FBXL20: variants seen among roughly 807,000 people sequenced by gnomAD.
FBXL20 encodes F-box/LRR-repeat protein 20.
Under a neutral mutation model 64.0 loss-of-function variants are expected in FBXL20, and 11 were observed. That is an observed-to-expected ratio of 0.17 (90% confidence interval 0.11 to 0.28). The LOEUF (loss-of-function observed/expected upper bound fraction) is 0.28. FBXL20 is among the 10% of genes least tolerant of loss of function. The pLI is 1.00. For synonymous variants in FBXL20, 184 were observed against 189.0 expected (o/e 0.97, Z 0.22); for missense variants, 303 against 526.2 (o/e 0.58, Z 4.15).
At chr17:39,348,083 C>A (rs1047554922) in intron 1 of FBXL20, among the ~76,000 whole-genome samples, 1 of 123,114 alleles carries the variant, frequency 8.1e-6, no homozygotes, top group African/African-American at 4.6e-5. Context: ...AGGTTGGGTT[C>A]GTCTTTTTTT....
At chr17:39,289,032 G>T (rs1446309814) in intron 6 of FBXL20, among the ~76,000 whole-genome samples, 3 of 152,064 alleles carry the variant, frequency 2.0e-5, no homozygotes, top group Non-Finnish European at 4.4e-5. Flanking sequence ...TTTTAATGAG[G>T]TACAATTTAT....
At chr17:39,377,670 T>G (rs925580831) in intron 1 of FBXL20, among the ~76,000 whole-genome samples, 15 of 151,982 alleles carry the variant, frequency 9.9e-5, no homozygotes, top group African/African-American at 3.6e-4. Context: ...CCGGCTAATT[T>G]TTTTGTATTT....
intron 1 of FBXL20, among the ~76,000 whole-genome samples, chr17:39,384,002 G>A (rs2048052491): frequency 6.6e-6 from 1 of 152,018 alleles, no homozygotes; most frequent in Admixed American, 6.6e-5. Context: ...GGGAGGCCAA[G>A]GCAGGAGGAC....
intron 5 of FBXL20, among the ~76,000 whole-genome samples, chr17:39,298,516 C>T (rs1476360181): frequency 2.0e-5 from 3 of 152,002 alleles, no homozygotes; most frequent in Non-Finnish European, 2.9e-5. Context: ...TGCAAGAGTT[C>T]GAGACCAGCC....
chr17:39,315,623 T>A (rs2047280042), intron 2 of FBXL20, among the ~76,000 whole-genome samples: 1 of 151,526 alleles, frequency 6.6e-6, no homozygotes, highest in African/African-American at 2.4e-5. Flanking sequence ...CAGGAGATAC[T>A]GGGATACAAG....
intron 2 of FBXL20, among the ~76,000 whole-genome samples, chr17:39,337,559 C>G (rs2081451287): frequency 6.6e-6 from 1 of 151,226 alleles, no homozygotes; most frequent in African/African-American, 2.4e-5. Flanking sequence ...TGCCCCGCCG[C>G]CCCGTCTGGG....
At chr17:39,315,185 G>A (rs995095217) in intron 2 of FBXL20, among the ~76,000 whole-genome samples, 4 of 151,890 alleles carry the variant, frequency 2.6e-5, no homozygotes, top group African/African-American at 4.8e-5. Context: ...CGCCTGCCTC[G>A]GCCTCCACAT....
At chr17:39,282,182 T>C (rs566065792) in intron 8 of FBXL20, among the ~76,000 whole-genome samples, 9 of 152,354 alleles carry the variant, frequency 5.9e-5, no homozygotes, top group African/African-American at 2.2e-4. Flanking sequence ...CACTCATTTC[T>C]TTCCAGAGGC....
intron 1 of FBXL20, among the ~76,000 whole-genome samples, chr17:39,359,058 G>A (rs1166733915): frequency 3.9e-5 from 6 of 152,302 alleles, no homozygotes; most frequent in South Asian, 4.1e-4. Flanking sequence ...ATCTGGCAAG[G>A]CGCAGTGGCT....
intron 1 of FBXL20, among the ~76,000 whole-genome samples, chr17:39,386,519 G>A (rs976117653): frequency 2.0e-5 from 3 of 151,614 alleles, no homozygotes; most frequent in African/African-American, 7.3e-5. Flanking sequence ...AGCTACTCAG[G>A]AGGCTGAGGC....
At chr17:39,389,822 TAAAC>T (rs1057073710) in intron 1 of FBXL20, among the ~76,000 whole-genome samples, 40 of 152,064 alleles carry the variant, frequency 2.6e-4, no homozygotes, top group Non-Finnish European at 5.7e-4. Context: ...TGTCTCTAAA[TAAAC>T]AAATAAATAA....
intron 2 of FBXL20, among the ~76,000 whole-genome samples, chr17:39,330,713 C>T (rs1032874579): frequency 1.3e-5 from 2 of 152,128 alleles, no homozygotes; most frequent in Non-Finnish European, 2.9e-5. Flanking sequence ...CCCTGAGAGA[C>T]TAAAACATCC....
chr17:39,344,994 G>A (rs888391810), intron 1 of FBXL20, among the ~76,000 whole-genome samples: 2 of 152,134 alleles, frequency 1.3e-5, no homozygotes, highest in East Asian at 1.9e-4. Flanking sequence ...AGGAGATCAT[G>A]ACTGTAAGCT....
At chr17:39,349,033 C>T (rs1008907033) in intron 1 of FBXL20, among the ~76,000 whole-genome samples, 2 of 151,872 alleles carry the variant, frequency 1.3e-5, no homozygotes, top group African/African-American at 4.8e-5. Flanking sequence ...GGGCAGATCA[C>T]TTGAGGTCAT....
upstream of FBXL20, chr17:39,402,349 G>A (rs941593239): frequency 1.7e-6 from 1 of 582,114 alleles, no homozygotes; most frequent in Non-Finnish European, 2.5e-6. Context: ...GCTGCAGGGA[G>A]GCCTGGGGGG....
chr17:39,300,062 A>G (rs751215759), intron 4 of FBXL20, among the ~76,000 whole-genome samples: 3 of 152,208 alleles, frequency 2.0e-5, no homozygotes, highest in African/African-American at 4.8e-5. Flanking sequence ...GCACCACTGC[A>G]CTCCAGCCTG....
At chr17:39,301,157 C>T (rs1597784814) in intron 3 of FBXL20, 82 bp from the exon 4 acceptor site, 1 of 1,287,808 alleles carries the variant, frequency 7.8e-7, no homozygotes, top group East Asian at 2.3e-5. Flanking sequence ...CACAATTCAA[C>T]CAACTAATGA....
intron 1 of FBXL20, among the ~76,000 whole-genome samples, chr17:39,378,024 GC>G (rs1288390416): frequency 6.6e-6 from 1 of 151,848 alleles, no homozygotes; most frequent in African/African-American, 2.4e-5. Context: ...ACCACCTACC[GC>G]CCCCCAACCA....
intron 13 of FBXL20, among the ~76,000 whole-genome samples, chr17:39,265,046 A>G (rs2046779018): frequency 6.6e-6 from 1 of 152,230 alleles, no homozygotes. Flanking sequence ...ACGACCAGTA[A>G]CATTACATCT....
Sources: gnomAD v4.1 joint callset for allele counts (sites outside exome capture counted in the v4.1 genomes callset) on GRCh38, gnomAD v4.1.1 for gene constraint, MANE v1.5 for transcripts, NCBI Gene and HGNC (gene_info 2026-07-23, HGNC 2026-07-21) for gene names.